INPPL1: variants seen among roughly 807,000 people sequenced by gnomAD.
INPPL1 encodes the protein phosphatidylinositol 3,4,5-trisphosphate 5-phosphatase 2.
Under a neutral mutation model 139.3 loss-of-function variants are expected in INPPL1, and 91 were observed. The observed-to-expected ratio is 0.65, with a 90% CI of 0.55 to 0.78. The LOEUF is 0.78. Among genes scored for constraint, INPPL1 ranks in the 30% least tolerant of loss-of-function variants. The probability of loss-of-function intolerance (pLI) is 0.00; values close to 1 mark genes in which losing one functional copy is unlikely to be tolerated. For synonymous variants in INPPL1, 719 were observed against 686.6 expected (o/e 1.05, Z -0.74); for missense variants, 1,411 against 1,665.6 (o/e 0.85, Z 2.66).
At chr11:72,237,930 A>G (rs552297008) in intron 26 of INPPL1, 112 bp from the exon 27 acceptor site, 63 of 1,446,132 alleles carry the variant, frequency 4.4e-5, no homozygotes, top group South Asian at 1.1e-4. Flanking sequence ...TGGGAGACAC[A>G]TGTATCAGCC....
chr11:72,235,450 C>T lies in INPPL1; in HGVS notation c.2658C>T (p.Tyr886=), dbSNP rs778488522. 6.8e-6 allele frequency: 11 copies of T among 1,611,450 alleles called. No homozygotes were observed. Among genetic ancestry groups the T allele is most frequent in the South Asian group, 6.6e-5 (6 of 91,022 alleles). The change falls in exon 23 of 28, where the codon TAC becomes TAT. Residue 886 remains tyrosine (Y), a splice_region_variant and synonymous_variant. Transcript: ENST00000298229. This position sits in a 1 kb window ranked among gnomAD's most constrained non-coding sequence, Gnocchi z 4.9. Reference sequence around the variant, plus strand: ...GCCTGGGCACCCGTGAGCGGCTCTACGGTGGGGACTCCACTGGGACATGAG... The same window carrying T: ...GCCTGGGCACCCGTGAGCGGCTCTATGGTGGGGACTCCACTGGGACATGAG... ...TERLGTRERL[Y]EWISIDKDEA...
upstream of INPPL1, among the ~76,000 whole-genome samples, chr11:72,224,239 G>T (rs1056603214): frequency 2.0e-5 from 3 of 151,914 alleles, no homozygotes; most frequent in Non-Finnish European, 4.4e-5. Context: ...GGCTTTGCCG[G>T]GGGACGGTTC....
chr11:72,238,344 C>A lies in INPPL1; in HGVS notation c.3768C>A (p.Leu1256=). The part of the protein sequence containing the change: ...HKRLLLDTLQ[L]SK The stretch of plus-strand genomic sequence containing the variant: ...GCCTCCTTCTGGACACCCTGCAGCT[C>A]AGCAAGTGATAGCGGAGGCACCACG... Residue 1256 remains leucine, a synonymous_variant, in exon 28 of 28, where the codon CTC becomes CTA. Coordinates refer to ENST00000298229, the MANE Select transcript of INPPL1 (RefSeq NM_001567.4). 2 of 1,552,820 alleles carry A rather than the reference C, an allele frequency of 1.3e-6. No homozygotes were observed. Among genetic ancestry groups the A allele is most frequent in the South Asian group, 1.2e-5 (1 of 81,696 alleles).
rs1948964152 is a variant in INPPL1 at position 72,235,580 on chromosome 11, C to T, written c.2660-95C>T. 1 of 1,573,618 alleles carries T rather than the reference C, an allele frequency of 6.4e-7. No homozygotes were observed. The highest frequency in any genetic ancestry group is 1.7e-5 in the Admixed American group (1 of 57,318). ...GCCACAGCTGGGAATAGTCCTGCCC[C>T]AAGGCATAGCTGGGAAAGGGCTGGC... On this transcript the variant is annotated intron_variant, in intron 23 of 27. Coordinates refer to ENST00000298229, the MANE Select transcript of INPPL1 (RefSeq NM_001567.4). This position sits in a 1 kb window ranked among gnomAD's most constrained non-coding sequence, Gnocchi z 4.9.
rs775411724 is a variant in INPPL1 at position 72,234,315 on chromosome 11, G to A, written c.2247G>A (p.Glu749=). 1.9e-6 allele frequency: 3 copies of A among 1,614,122 alleles called. No homozygotes were observed. ...AGACTTCAGACCAGGCCTACATTGA[G>A]TTTGAGAGCATCGAGGCCATTGTGA... ...LSKTSDQAYI[E]FESIEAIVKT... Residue 749 remains glutamate, a synonymous_variant, in exon 20 of 28, where the codon GAG becomes GAA. Transcript: ENST00000298229. The surrounding 1 kb of genome is among the most constrained non-coding windows in gnomAD (Gnocchi z 4.2).
chr11:72,227,958 G>A (rs1948720339), intron 1 of INPPL1: 1 of 564,764 alleles, frequency 1.8e-6, no homozygotes, highest in African/African-American at 1.9e-5. Context: ...TGGAGTCTGT[G>A]TAGGTCTGGT....
rs70940820 is a variant in INPPL1, at chr11:72,236,074, A to T, written c.2879+88A>T. 8.4e-4 allele frequency: 636 copies of T among 760,000 alleles called. 5 individuals carry two copies. In the East Asian group the frequency reaches 0.015, roughly 18 times the overall value. 47.1% of individuals were successfully genotyped at this position (760,000 alleles called of 1,614,324 possible). A position where few individuals can be genotyped will look rare whatever the true frequency, so the allele number is the denominator to read the frequency against. On this transcript the variant is annotated intron_variant, in intron 25 of 27. Transcript: ENST00000298229. ...CTGCAGGGTCTCAGGGTTGGCCTGG[A>T]GATCATCAGCTGCTTAGGTGCCCTG...
rs117062675 is a variant in INPPL1, at chr11:72,225,386, A to G, written c.182+220A>G. 0.02 allele frequency: 19,963 copies of G among 985,378 alleles called. 237 individuals carry two copies. Among genetic ancestry groups the G allele is most frequent in the Non-Finnish European group, 0.021 (17,623 of 829,922 alleles). 61.0% of individuals were successfully genotyped at this position (985,378 alleles called of 1,614,324 possible). On this transcript the variant is annotated intron_variant, in intron 1 of 27. Transcript: ENST00000298229. ...GCACTTTCAGGAGCCTTGAGGGTAG[A>G]GAATATGGGGTTCTGTGGCCCAGTG...
rs1265514996 is a variant in INPPL1, at chr11:72,233,706, T to C, written c.2174T>C (p.Phe725Ser). 1 of 1,614,192 alleles carries C rather than the reference T, an allele frequency of 6.2e-7. No homozygotes were observed. Among genetic ancestry groups the C allele is most frequent in the Non-Finnish European group, 8.5e-7 (1 of 1,180,034 alleles). Residue 725 changes from phenylalanine to serine, a missense_variant, in exon 19 of 28, where the codon TTT (phenylalanine) becomes TCT (serine). This residue lies in a region of INPPL1 where 363 missense variants were observed against 446.2 expected (regional missense o/e 0.81). Transcript: ENST00000298229. Reference protein sequence around the residue: ...TSDHSPVFGTFEVGVTSQFIS... With the variant: ...TSDHSPVFGTSEVGVTSQFIS... ...GACCATTCCCCCGTGTTTGGGACAT[T>C]TGAGGTTGGAGTTACCTCCCAGTTC...
Position 72,233,461 on chromosome 11 carries a change from A to T in INPPL1, c.2061A>T (p.Ser687=). Reference sequence around the variant, plus strand: ...CCCAGGTCCGGACCAATGTGCCCTCATGGTGTGACCGGATTCTGTGGAAAT... The same window carrying T: ...CCCAGGTCCGGACCAATGTGCCCTCTTGGTGTGACCGGATTCTGTGGAAAT... ...KPTGVRTNVP[S]WCDRILWKSY... is the part of the protein sequence containing the mutation. Residue 687 remains serine, a synonymous_variant, in exon 18 of 28, where the codon TCA becomes TCT. Coordinates refer to ENST00000298229, the MANE Select transcript of INPPL1 (RefSeq NM_001567.4). 1 of 1,614,184 alleles carries T rather than the reference A, an allele frequency of 6.2e-7. No homozygotes were observed. The highest frequency in any genetic ancestry group is 2.2e-5 in the East Asian group (1 of 44,876).
Position 72,225,181 on chromosome 11 carries a change from GGCTCCTTGCGGGCTGGCGTGGACCGGGA to G in INPPL1, c.182+18_182+45del, listed in dbSNP as rs144989913. 152,129 of 1,231,288 alleles carry G rather than the reference GGCTCCTTGCGGGCTGGCGTGGACCGGGA, an allele frequency of 0.12. 10,303 individuals carry two copies. The highest frequency in any genetic ancestry group is 0.14 in the Non-Finnish European group (136,202 of 987,364). 76.3% of individuals were successfully genotyped at this position (1,231,288 alleles called of 1,614,324 possible). A position where few individuals can be genotyped will look rare whatever the true frequency, so the allele number is the denominator to read the frequency against. ...CTCTGCGTCCTGTGAGTGGGGCGGG[GGCTCCTTGCGGGCTGGCGTGGACCGGGA>G]GCGCGGGCACGGCCGGGTGTGGAAA... On this transcript the variant is annotated intron_variant, in intron 1 of 27. Transcript: ENST00000298229.
In INPPL1 at chr11:72,230,381, C is replaced by T; in HGVS notation, c.1110C>T (p.Ser370=). ...CCCTAGTCCGCCAGCTCATTAAGTC[C>T]CAGCGTGTCCAGAACAAGCTGGGTG... ...THDRIRQLIK[S]QRVQNKLGVV... The change falls in exon 10 of 28, where the codon TCC becomes TCT. Residue 370 remains serine, a synonymous_variant. Coordinates refer to ENST00000298229, the MANE Select transcript of INPPL1 (RefSeq NM_001567.4). 6.2e-7 allele frequency: 1 copy of T among 1,614,104 alleles called. No individual in the cohort carries two copies. The highest frequency in any genetic ancestry group is 8.5e-7 in the Non-Finnish European group (1 of 1,180,036).
At chr11:72,233,206 T>C (rs1020414877) in intron 17 of INPPL1, 43 bp downstream of exon 17, 6 of 1,555,320 alleles carry the variant, frequency 3.9e-6, no homozygotes, top group Non-Finnish European at 5.3e-6. Flanking sequence ...ACCGCAGGCC[T>C]GCGATGAATC....
rs1051872182 is a variant in INPPL1 at position 72,229,026 on chromosome 11, A to T, written c.519-64A>T. Reference sequence around the variant, plus strand: ...GCCACAGGTACTATCTCCTCTAGGGATGGGGCAGAGGTGCTGGGACAGGTC... The same window carrying T: ...GCCACAGGTACTATCTCCTCTAGGGTTGGGGCAGAGGTGCTGGGACAGGTC... On this transcript the variant is annotated intron_variant, in intron 4 of 27. Transcript: ENST00000298229. The T allele has an allele frequency of 1.9e-6, 3 of 1,549,484 alleles. No individual in the cohort carries two copies. The Admixed American group carries it at 5.6e-5, about 29-fold the overall frequency.
rs913165780 is a variant in INPPL1, at chr11:72,238,382, C to CA, written c.*30dup. On this transcript the variant is annotated 3_prime_UTR_variant, in exon 28 of 28. Transcript: ENST00000298229. ...CGGAGGCACCACGAAGCTGTGAACT[C>CA]AGAGCCCCTCCCTGCTACCAAGGCC... is the stretch of plus-strand genomic sequence containing the variant. The CA allele has an allele frequency of 4.0e-6, 6 of 1,503,922 alleles. No homozygotes were observed. In the Admixed American group the frequency reaches 6.8e-5, roughly 17 times the overall value. 93.2% of individuals were successfully genotyped at this position (1,503,922 alleles called of 1,614,324 possible). A position where few individuals can be genotyped will look rare whatever the true frequency, so the allele number is the denominator to read the frequency against.
chr11:72,231,661 C>T, intron 13 of INPPL1, 46 bp downstream of exon 13: 1 of 1,340,168 alleles, frequency 7.5e-7, no homozygotes, highest in Non-Finnish European at 1.1e-6. Flanking sequence ...GTCTCTCTGT[C>T]CATGGCTTCT....
Position 72,237,052 on chromosome 11 carries a change from CCTTCCACTG to C in INPPL1, c.2880-61_2880-53del. ...GACTTTCTGACTCCCGTCTAGTTCTCCTTCCACTGCTTCCACTGCCTTAGACCTGGGTTC... is the reference window on the plus strand; with the variant it reads ...GACTTTCTGACTCCCGTCTAGTTCTCCTTCCACTGCCTTAGACCTGGGTTC... On this transcript the variant is annotated intron_variant, in intron 25 of 27. Transcript: ENST00000298229. 46 of 1,395,244 alleles carry C rather than the reference CCTTCCACTG, an allele frequency of 3.3e-5. No individual in the cohort carries two copies. The South Asian group carries it at 5.9e-4, about 18-fold the overall frequency. 86.4% of individuals were successfully genotyped at this position (1,395,244 alleles called of 1,614,324 possible).
Position 72,224,930 on chromosome 11 carries a change from C to T in INPPL1, c.-55C>T. 1 of 1,032,774 alleles carries T rather than the reference C, an allele frequency of 9.7e-7. No homozygotes were observed. The highest frequency in any genetic ancestry group is 1.2e-6 in the Non-Finnish European group (1 of 859,696). 64.0% of individuals were successfully genotyped at this position (1,032,774 alleles called of 1,614,324 possible). A position where few individuals can be genotyped will look rare whatever the true frequency, so the allele number is the denominator to read the frequency against. The stretch of plus-strand genomic sequence containing the variant: ...GCCCCAGCCTCAGCCCTGAGCGTCT[C>T]GGGGCGGATGGCGCGGGGCGGCGGG... On this transcript the variant is annotated 5_prime_UTR_variant, in exon 1 of 28. Coordinates refer to ENST00000298229, the MANE Select transcript of INPPL1 (RefSeq NM_001567.4).
Position 72,228,917 on chromosome 11 carries a change from T to TGG in INPPL1, c.518+73_518+74dup, listed in dbSNP as rs1565385608. On this transcript the variant is annotated intron_variant, in intron 4 of 27. Coordinates refer to ENST00000298229, the MANE Select transcript of INPPL1 (RefSeq NM_001567.4). The surrounding 1 kb of genome is among the most constrained non-coding windows in gnomAD (Gnocchi z 5.0). ...CTGAGAACTATTTCCCTACCAAAGGTGGGGAGGCCTTCTAAGACCCCACCA... is the reference window on the plus strand; with the variant it reads ...CTGAGAACTATTTCCCTACCAAAGGTGGGGGGAGGCCTTCTAAGACCCCACCA... The TGG allele has an allele frequency of 6.6e-7, 1 of 1,526,236 alleles. No homozygotes were observed. Among genetic ancestry groups the TGG allele is most frequent in the African/African-American group, 1.4e-5 (1 of 72,080 alleles). The allele number at this position is 1,526,236 out of a possible 1,614,324, so 94.5% of individuals were successfully genotyped here. A position where few individuals can be genotyped will look rare whatever the true frequency, so the allele number is the denominator to read the frequency against.
Sources: gnomAD v4.1 joint callset for allele counts (sites outside exome capture counted in the v4.1 genomes callset) on GRCh38, gnomAD v4.1.1 for gene constraint, gnomAD v4.1.1 regional missense constraint, Gnocchi (gnomAD v3.1) non-coding constraint, MANE v1.5 for transcripts, NCBI Gene and HGNC (gene_info 2026-07-23, HGNC 2026-07-21) for gene names.